The following MTUS1 variants were observed in gnomAD, a reference collection of about 807,000 sequenced individuals.
The protein encoded by MTUS1 is microtubule-associated tumor suppressor 1.
Under a neutral mutation model 120.8 loss-of-function variants are expected in MTUS1, and 109 were observed. That is an observed-to-expected ratio of 0.90 (90% CI 0.77 to 1.06). The LOEUF is 1.06. MTUS1 is among the 50% of genes least tolerant of loss of function. MTUS1 has a pLI of 0.00. For missense variants in MTUS1, 2,210 were observed against 1,486.3 expected (o/e 1.49, Z -8.01); for synonymous variants, 737 against 550.5 (o/e 1.34, Z -4.74).
At chr8:17,678,326 C>A (rs1813535220) in intron 7 of MTUS1, among the ~76,000 whole-genome samples, 1 of 151,950 alleles carries the variant, frequency 6.6e-6, no homozygotes, top group Admixed American at 6.6e-5. Flanking sequence ...TGATTCAATT[C>A]TCTTTGTATT....
At chr8:17,764,290 T>C (rs943956063) in intron 1 of MTUS1, among the ~76,000 whole-genome samples, 2 of 152,186 alleles carry the variant, frequency 1.3e-5, no homozygotes, top group African/African-American at 4.8e-5. Context: ...TGGTGACATC[T>C]GACCTATCCT....
intron 8 of MTUS1, among the ~76,000 whole-genome samples, chr8:17,667,816 T>A (rs990268755): frequency 5.3e-5 from 8 of 152,220 alleles, no homozygotes; most frequent in African/African-American, 1.9e-4. Flanking sequence ...TGAGCCACAA[T>A]TTATTTTTTA....
rs563168489 is a variant in MTUS1, at chr8:17,736,332, C to T, written c.2287+7272G>A. Among the ~76,000 whole-genome samples, 3 of 152,330 alleles carry T rather than the reference C, an allele frequency of 2.0e-5. No individual in the cohort carries two copies. The South Asian group carries it at 6.2e-4, about 32-fold the overall frequency. On this transcript the variant is annotated intron_variant, in intron 3 of 14. Transcript: ENST00000693296. ...GTTGGTCCTGACCTCCTCCGCCCATCCATGTCCTCCAGCCCCCACCACACA... is the reference window on the plus strand; with the variant it reads ...GTTGGTCCTGACCTCCTCCGCCCATTCATGTCCTCCAGCCCCCACCACACA...
chr8:17,665,866 A>G (rs2130497298), intron 8 of MTUS1, among the ~76,000 whole-genome samples: 1 of 152,188 alleles, frequency 6.6e-6, no homozygotes, highest in Non-Finnish European at 1.5e-5. Context: ...TTCCCCCCCT[A>G]TACTGGGTAG....
At chr8:17,682,275 G>A (rs188206789) in intron 7 of MTUS1, among the ~76,000 whole-genome samples, 1 of 152,306 alleles carries the variant, frequency 6.6e-6, no homozygotes, top group Non-Finnish European at 1.5e-5. Flanking sequence ...CAGCACTTTG[G>A]GAGGCCGAGG....
intron 6 of MTUS1, among the ~76,000 whole-genome samples, chr8:17,699,999 A>T (rs747316163): frequency 6.6e-6 from 1 of 152,164 alleles, no homozygotes; most frequent in Admixed American, 6.6e-5. Flanking sequence ...GGAACTCCAT[A>T]TTTTCTGAAA....
At chr8:17,799,286 T>C (rs1183549723) in intron 1 of MTUS1, among the ~76,000 whole-genome samples, 1 of 152,170 alleles carries the variant, frequency 6.6e-6, no homozygotes, top group Non-Finnish European at 1.5e-5. Context: ...GATACATCTA[T>C]GTAATGTAAT....
chr8:17,709,608 C>T (rs1820866010), intron 6 of MTUS1, among the ~76,000 whole-genome samples: 1 of 152,018 alleles, frequency 6.6e-6, no homozygotes, highest in Non-Finnish European at 1.5e-5. Context: ...AGACACATGA[C>T]ATAATAAGGC....
At chr8:17,705,697 G>T (rs1433515920) in intron 6 of MTUS1, 1 of 152,250 alleles carries the variant, frequency 6.6e-6, no homozygotes, top group African/African-American at 2.4e-5. Flanking sequence ...TTTGCAACTT[G>T]CAACCACTTC....
intron 8 of MTUS1, among the ~76,000 whole-genome samples, chr8:17,658,022 T>TACAC (rs776352415): frequency 2.7e-5 from 1 of 36,364 alleles, no homozygotes; most frequent in Non-Finnish European, 5.9e-5. Flanking sequence ...ACTATATATA[T>TACAC]AGACACACAC....
intron 6 of MTUS1, among the ~76,000 whole-genome samples, chr8:17,711,945 A>G (rs2131005840): frequency 6.6e-6 from 1 of 152,308 alleles, no homozygotes; most frequent in African/African-American, 2.4e-5. Flanking sequence ...TTGAAATGCA[A>G]ACGTATCAGC....
At chr8:17,682,004 T>G (rs1814623424) in intron 7 of MTUS1, among the ~76,000 whole-genome samples, 1 of 152,238 alleles carries the variant, frequency 6.6e-6, no homozygotes, top group Non-Finnish European at 1.5e-5. Context: ...AAGTGTATTG[T>G]ACACTTACCA....
At position 17,754,919 on chromosome 8, in the gene MTUS1, C is replaced by G; in HGVS notation, c.889G>C (p.Asp297His). Residue 297 changes from aspartate (D) to histidine (H), a missense_variant, in exon 2 of 15, where the codon GAT becomes CAT. Coordinates refer to ENST00000693296, the MANE Select transcript of MTUS1 (RefSeq NM_001363059.2). ...KETQALTPVS[D>H]GMEVPNDSAL... ...GAATCATTGGGGACTTCCATGCCAT[C>G]AGAAACTGGTGTTAGTGCTTGTGTC... is the stretch of plus-strand genomic sequence containing the variant. 1 of 1,614,158 alleles carries G rather than the reference C, an allele frequency of 6.2e-7. No homozygotes were observed.
intron 1 of MTUS1, among the ~76,000 whole-genome samples, chr8:17,775,460 C>T (rs920429684): frequency 2.6e-5 from 4 of 152,102 alleles, no homozygotes; most frequent in African/African-American, 7.2e-5. Context: ...AAAGGGTCTA[C>T]ACGACAGCAT....
intron 6 of MTUS1, among the ~76,000 whole-genome samples, chr8:17,711,904 G>A (rs143332173): frequency 6.6e-6 from 1 of 152,312 alleles, no homozygotes; most frequent in Non-Finnish European, 1.5e-5. Context: ...AAAAGGGAGA[G>A]AGATGGAAGA....
At chr8:17,676,522 T>C (rs1813155802) in intron 7 of MTUS1, 1 of 585,474 alleles carries the variant, frequency 1.7e-6, no homozygotes, top group East Asian at 2.8e-5. Context: ...CAGAAGCTGA[T>C]ACTGCAGCTT....
At chr8:17,775,054 A>C (rs1224098074) in intron 1 of MTUS1, among the ~76,000 whole-genome samples, 10 of 151,322 alleles carry the variant, frequency 6.6e-5, no homozygotes, top group Non-Finnish European at 1.5e-5. Flanking sequence ...TAGTCAAATG[A>C]ATAGAGACAG....
intron 7 of MTUS1, among the ~76,000 whole-genome samples, chr8:17,676,661 A>AACTG (rs1813189741): frequency 6.6e-6 from 1 of 152,046 alleles, no homozygotes; most frequent in Non-Finnish European, 1.5e-5. Flanking sequence ...GGAAAGAAAA[A>AACTG]ACTGACCCCC....
intron 8 of MTUS1, among the ~76,000 whole-genome samples, chr8:17,666,713 C>A (rs2130514888): frequency 6.6e-6 from 1 of 152,272 alleles, no homozygotes; most frequent in African/African-American, 2.4e-5. Context: ...AACCTGAGGA[C>A]ACTAGGGCCA....
Sources: allele counts gnomAD v4.1 joint callset (sites outside exome capture counted in the v4.1 genomes callset), GRCh38; gene constraint gnomAD v4.1.1; transcripts MANE v1.5; gene names NCBI Gene and HGNC (gene_info 2026-07-23, HGNC 2026-07-21).